The following SORCS1 variants were observed in gnomAD, a reference collection of about 807,000 sequenced individuals.
The protein encoded by SORCS1 is sortilin related VPS10 domain containing receptor 1.
In SORCS1, 60 loss-of-function variants were observed where a neutral mutation model predicts 146.1. The observed-to-expected ratio is 0.41, with a 90% CI of 0.33 to 0.51. The LOEUF (loss-of-function observed/expected upper bound fraction) is 0.51. Among genes scored for constraint, SORCS1 ranks in the 20% least tolerant of loss-of-function variants. SORCS1 has a pLI of 0.21. For missense variants in SORCS1, 1,352 were observed against 1,487.6 expected (o/e 0.91, Z 1.50); for synonymous variants, 637 against 584.0 (o/e 1.09, Z -1.31).
intron 1 of SORCS1, among the ~76,000 whole-genome samples, chr10:107,054,850 A>C (rs183074380): frequency 3.3e-5 from 5 of 152,338 alleles, no homozygotes; most frequent in African/African-American, 1.2e-4. Flanking sequence ...GTATAATGCA[A>C]TTAATAGTGA....
chr10:106,723,042 G>A (rs1017051720), intron 6 of SORCS1, among the ~76,000 whole-genome samples: 5 of 152,056 alleles, frequency 3.3e-5, no homozygotes, highest in Admixed American at 2.6e-4. Flanking sequence ...AATATTAAAT[G>A]TTTCATCTGG....
chr10:106,601,347 C>A (rs983947395), intron 23 of SORCS1, among the ~76,000 whole-genome samples: 1 of 152,232 alleles, frequency 6.6e-6, no homozygotes, highest in African/African-American at 2.4e-5. Flanking sequence ...CCAGCACAGT[C>A]CATTTTCTAT....
chr10:106,988,229 G>A (rs1019853143), intron 1 of SORCS1, among the ~76,000 whole-genome samples: 27 of 152,312 alleles, frequency 1.8e-4, no homozygotes, highest in Non-Finnish European at 3.2e-4. Flanking sequence ...TCCACCTGGG[G>A]AGCAAAGGAA....
At chr10:107,007,279 A>G (rs1272131694) in intron 1 of SORCS1, among the ~76,000 whole-genome samples, 1 of 152,232 alleles carries the variant, frequency 6.6e-6, no homozygotes, top group East Asian at 1.9e-4. Flanking sequence ...TGTTTTGACA[A>G]TAGACCACAG....
intron 1 of SORCS1, among the ~76,000 whole-genome samples, chr10:107,028,559 G>T (rs957673153): frequency 2.0e-5 from 3 of 152,206 alleles, no homozygotes; most frequent in Non-Finnish European, 2.9e-5. Context: ...GTGCTCATTA[G>T]TAAGAGCATC....
chr10:107,110,167 T>A (rs1476056419), intron 1 of SORCS1, among the ~76,000 whole-genome samples: 2 of 152,208 alleles, frequency 1.3e-5, no homozygotes, highest in Non-Finnish European at 2.9e-5. Flanking sequence ...TCTTTCTTTT[T>A]TATTCTAAGC....
chr10:106,763,043 C>A (rs936057122), intron 4 of SORCS1, among the ~76,000 whole-genome samples: 4 of 152,064 alleles, frequency 2.6e-5, no homozygotes, highest in African/African-American at 9.7e-5. Context: ...TTAAAGGGAA[C>A]AGAGTTCATA....
At chr10:106,859,301 C>T (rs888957839) in intron 2 of SORCS1, among the ~76,000 whole-genome samples, 1 of 152,222 alleles carries the variant, frequency 6.6e-6, no homozygotes, top group Admixed American at 6.5e-5. Context: ...TAATAGACTG[C>T]ATTTTCTAAA....
intron 1 of SORCS1, among the ~76,000 whole-genome samples, chr10:107,102,165 C>A (rs947983842): frequency 1.3e-5 from 2 of 152,158 alleles, no homozygotes; most frequent in African/African-American, 4.8e-5. Context: ...TGAACAAATG[C>A]ATGTTTAATA....
the SORCS1 span, among the ~76,000 whole-genome samples, chr10:107,170,068 T>G: frequency 6.6e-6 from 1 of 152,220 alleles, no homozygotes; most frequent in African/African-American, 2.4e-5. Flanking sequence ...TTAAAGATTG[T>G]ATTATTAGAT....
At chr10:107,014,284 A>AAG (rs906628023) in intron 1 of SORCS1, among the ~76,000 whole-genome samples, 307 of 144,982 alleles carry the variant, frequency 2.1e-3, no homozygotes, top group East Asian at 7.1e-3. Flanking sequence ...AAAAGAAAAA[A>AAG]AGAGAGAGAG....
At chr10:106,957,828 T>G (rs1955036646) in intron 1 of SORCS1, among the ~76,000 whole-genome samples, 1 of 152,220 alleles carries the variant, frequency 6.6e-6, no homozygotes, top group African/African-American at 2.4e-5. Flanking sequence ...GAACCTAAAC[T>G]ATTTCATTCT....
chr10:106,951,711 G>T (rs1348924313), intron 2 of SORCS1, among the ~76,000 whole-genome samples: 1 of 152,106 alleles, frequency 6.6e-6, no homozygotes, highest in Non-Finnish European at 1.5e-5. Context: ...AGTCTGTTGT[G>T]CTCACTGCTC....
chr10:107,030,306 T>C (rs1958592800), intron 1 of SORCS1, among the ~76,000 whole-genome samples: 1 of 151,946 alleles, frequency 6.6e-6, no homozygotes, highest in South Asian at 2.1e-4. Flanking sequence ...CATCATCTAA[T>C]ACTCATCTTC....
At chr10:106,605,076 G>A (rs571723672) in intron 23 of SORCS1, among the ~76,000 whole-genome samples, 2 of 152,346 alleles carry the variant, frequency 1.3e-5, no homozygotes, top group African/African-American at 2.4e-5. Context: ...TCTTCTACAT[G>A]TGTGCCAATT....
intron 4 of SORCS1, among the ~76,000 whole-genome samples, chr10:106,763,206 C>T (rs759346524): frequency 2.6e-5 from 4 of 152,112 alleles, no homozygotes; most frequent in Non-Finnish European, 5.9e-5. Context: ...AATATATAAA[C>T]TCTGTGTGCT....
chr10:106,947,000 GAGAA>G (rs1258225149), intron 2 of SORCS1, among the ~76,000 whole-genome samples: 2 of 152,260 alleles, frequency 1.3e-5, no homozygotes, highest in South Asian at 2.1e-4. Flanking sequence ...AGGAGTGAGG[GAGAA>G]AGAGAGAGGT....
intron 24 of SORCS1, among the ~76,000 whole-genome samples, 159 bp from the exon 25 acceptor site, chr10:106,579,633 T>C (rs1231445965): frequency 6.6e-6 from 1 of 151,976 alleles, no homozygotes; most frequent in African/African-American, 2.4e-5. Context: ...ATGGGATGCA[T>C]CTGAGCCCAC....
intron 19 of SORCS1, among the ~76,000 whole-genome samples, chr10:106,621,904 C>T (rs1847771243): frequency 6.6e-6 from 1 of 152,156 alleles, no homozygotes; most frequent in South Asian, 2.1e-4. Flanking sequence ...CCTTTCACCA[C>T]CCGAATCCAT....
Sources: allele counts gnomAD v4.1 joint callset (sites outside exome capture counted in the v4.1 genomes callset), GRCh38; gene constraint gnomAD v4.1.1; transcripts MANE v1.5; gene names NCBI Gene and HGNC (gene_info 2026-07-23, HGNC 2026-07-21).